ENTREP2: variants seen among roughly 807,000 people sequenced by gnomAD.
ENTREP2 encodes protein ENTREP2.
the ENTREP2 span, among the ~76,000 whole-genome samples, chr15:29,343,841 T>C: frequency 1.3e-5 from 2 of 152,184 alleles, no homozygotes; most frequent in African/African-American, 4.8e-5. Context: ...AACTTTTAGG[T>C]ATAAAATAAA....
At chr15:29,386,758 C>A in the ENTREP2 span, among the ~76,000 whole-genome samples, 1 of 152,174 alleles carries the variant, frequency 6.6e-6, no homozygotes, top group Non-Finnish European at 1.5e-5. Flanking sequence ...AGCTCTCACG[C>A]TCTCCGCACA....
the ENTREP2 span, among the ~76,000 whole-genome samples, chr15:29,620,487 T>C: frequency 6.6e-6 from 1 of 151,954 alleles, no homozygotes. Context: ...CAAGAATGGG[T>C]CTGGGCCAGG....
At chr15:29,216,451 G>A in the ENTREP2 span, among the ~76,000 whole-genome samples, 50,402 of 152,046 alleles carry the variant, frequency 0.33, 9,896 homozygotes, top group East Asian at 0.6. Context: ...CCTAGGTGAT[G>A]ATCTTTTTGT....
chr15:29,541,636 T>C, the ENTREP2 span, among the ~76,000 whole-genome samples: 7 of 152,094 alleles, frequency 4.6e-5, no homozygotes, highest in African/African-American at 7.2e-5. Context: ...ACCCTTGTCT[T>C]AGAAAAAAGG....
At chr15:29,279,188 T>C in the ENTREP2 span, among the ~76,000 whole-genome samples, 3 of 152,202 alleles carry the variant, frequency 2.0e-5, no homozygotes, top group Non-Finnish European at 2.9e-5. Flanking sequence ...CCATCACGTA[T>C]GTTGACGTGT....
chr15:29,160,535 C>G, the ENTREP2 span, among the ~76,000 whole-genome samples: 2 of 151,816 alleles, frequency 1.3e-5, no homozygotes, highest in East Asian at 3.9e-4. Flanking sequence ...ATGATGAAAC[C>G]CTGCCTCTAC....
At chr15:29,577,313 G>GGTGTGTGTGTGTGTGTGTGTGT in the ENTREP2 span, among the ~76,000 whole-genome samples, 4 of 139,802 alleles carry the variant, frequency 2.9e-5, no homozygotes, top group Non-Finnish European at 4.6e-5. Flanking sequence ...GACTCAAAGA[G>GGTGTGTGTGTGTGTGTGTGTGT]GTGTGTGTGT....
At chr15:29,121,868 A>AC in the ENTREP2 span, 3 of 151,820 alleles carry the variant, frequency 2.0e-5, no homozygotes, top group African/African-American at 7.3e-5. Flanking sequence ...TTGGAACCTC[A>AC]CCCCCTTCCC....
chr15:29,628,928 T>C, the ENTREP2 span, among the ~76,000 whole-genome samples: 1 of 152,158 alleles, frequency 6.6e-6, no homozygotes, highest in Non-Finnish European at 1.5e-5. Context: ...TTTTGTAATT[T>C]TAGTAGAGAC....
At chr15:29,230,674 G>A in the ENTREP2 span, among the ~76,000 whole-genome samples, 1 of 152,040 alleles carries the variant, frequency 6.6e-6, no homozygotes, top group African/African-American at 2.4e-5. Flanking sequence ...TTTGGTAGAG[G>A]GAACAGCACG....
the ENTREP2 span, among the ~76,000 whole-genome samples, chr15:29,131,993 A>T: frequency 1.0e-5 from 1 of 97,870 alleles, no homozygotes; most frequent in Non-Finnish European, 2.2e-5. Flanking sequence ...GCGAGTGCTC[A>T]CGGAGCCCAC....
the ENTREP2 span, among the ~76,000 whole-genome samples, chr15:29,669,788 A>C: frequency 6.6e-6 from 1 of 152,160 alleles, no homozygotes; most frequent in African/African-American, 2.4e-5. Flanking sequence ...TCCTCAGTGC[A>C]TCTTATTTGT....
chr15:29,659,707 C>G, the ENTREP2 span, among the ~76,000 whole-genome samples: 2 of 152,074 alleles, frequency 1.3e-5, no homozygotes, highest in East Asian at 1.9e-4. Flanking sequence ...ATGCCTCAAC[C>G]TTATGCTTAT....
chr15:29,415,216 C>G, the ENTREP2 span, among the ~76,000 whole-genome samples: 1 of 152,122 alleles, frequency 6.6e-6, no homozygotes, highest in Non-Finnish European at 1.5e-5. Flanking sequence ...AATTTTACAC[C>G]AATATCCCTG....
the ENTREP2 span, among the ~76,000 whole-genome samples, chr15:29,581,731 T>C: frequency 6.6e-6 from 1 of 152,032 alleles, no homozygotes; most frequent in South Asian, 2.1e-4. Flanking sequence ...AAAAGACATA[T>C]GTACATTTAT....
chr15:29,601,225 T>C, the ENTREP2 span, among the ~76,000 whole-genome samples: 1,377 of 151,720 alleles, frequency 9.1e-3, 16 homozygotes, highest in African/African-American at 0.032. Flanking sequence ...TTCTAATGCT[T>C]GTAAAAACAT....
At chr15:29,410,868 C>A in the ENTREP2 span, among the ~76,000 whole-genome samples, 4 of 152,200 alleles carry the variant, frequency 2.6e-5, no homozygotes, top group African/African-American at 9.6e-5. Flanking sequence ...TCACTGCAAC[C>A]TCCGCCTCCC....
At chr15:29,211,935 T>G in the ENTREP2 span, among the ~76,000 whole-genome samples, 67 of 152,296 alleles carry the variant, frequency 4.4e-4, no homozygotes, top group Admixed American at 8.5e-4. Flanking sequence ...GTCTGTAGTT[T>G]TCTTTTTTGG....
the ENTREP2 span, among the ~76,000 whole-genome samples, chr15:29,231,885 C>CTTTTTTTTTTTTTTTTTTTTT: frequency 3.1e-5 from 4 of 129,950 alleles, 1 homozygote; most frequent in East Asian, 2.5e-4. Flanking sequence ...GTTTTCTTTT[C>CTTTTTTTTTTTTTTTTTTTTT]TTTTCTTTCT....
Sources: gnomAD v4.1 joint callset for allele counts (sites outside exome capture counted in the v4.1 genomes callset) on GRCh38, gnomAD v4.1.1 for gene constraint, MANE v1.5 for transcripts, NCBI Gene and HGNC (gene_info 2026-07-23, HGNC 2026-07-21) for gene names.